The following TRIM24 variants were observed in gnomAD, a reference collection of about 807,000 sequenced individuals.
TRIM24 encodes the protein transcription intermediary factor 1-alpha.
Under a neutral mutation model 123.9 loss-of-function variants are expected in TRIM24, and 29 were observed. The observed-to-expected ratio is 0.23, with a 90% CI of 0.17 to 0.32. The LOEUF (loss-of-function observed/expected upper bound fraction) is 0.32, where lower values mean the gene tolerates loss of function less well. TRIM24 is among the 10% of genes least tolerant of loss of function. TRIM24 has a pLI of 1.00. For synonymous variants in TRIM24, 456 were observed against 461.1 expected (o/e 0.99, Z 0.14); for missense variants, 932 against 1,295.3 (o/e 0.72, Z 4.31).
intron 1 of TRIM24, among the ~76,000 whole-genome samples, chr7:138,501,293 G>A (rs1228217011): frequency 6.6e-6 from 1 of 151,906 alleles, no homozygotes; most frequent in East Asian, 2.0e-4. Flanking sequence ...GCAGTGGCAC[G>A]ATCTCGGCTC....
At chr7:138,463,230 T>C (rs1365937666) in intron 1 of TRIM24, among the ~76,000 whole-genome samples, 2 of 151,030 alleles carry the variant, frequency 1.3e-5, no homozygotes, top group East Asian at 2.0e-4. Flanking sequence ...TGGTTTTTCC[T>C]TCCTTCCTTC....
Position 138,585,169 on chromosome 7 carries a change from T to G in TRIM24, c.*218T>G. ...AAGGAGATGAATAGAAGAAAGAAAA[T>G]GGAAAGAAGGAAAAAAGGAGGATAG... On this transcript the variant is annotated 3_prime_UTR_variant, in exon 19 of 19. Transcript: ENST00000343526. 1 of 364,384 alleles carries G rather than the reference T, an allele frequency of 2.7e-6. No homozygotes were observed. Among genetic ancestry groups the G allele is most frequent in the Non-Finnish European group, 4.9e-6 (1 of 205,888 alleles). 22.6% of individuals were successfully genotyped at this position (364,384 alleles called of 1,614,324 possible). A position where few individuals can be genotyped will look rare whatever the true frequency, so the allele number is the denominator to read the frequency against.
intron 1 of TRIM24, among the ~76,000 whole-genome samples, chr7:138,496,701 A>C (rs1050102766): frequency 6.6e-6 from 1 of 151,736 alleles, no homozygotes; most frequent in East Asian, 1.9e-4. Flanking sequence ...AGATCTCACT[A>C]TGTGGCCCAG....
rs529528964 is a variant in TRIM24, at chr7:138,554,198, T to C, written c.1262-500T>C. On this transcript the variant is annotated intron_variant, in intron 8 of 18. Coordinates refer to ENST00000343526, the MANE Select transcript of TRIM24 (RefSeq NM_015905.3). This position sits in a 1 kb window ranked among gnomAD's most constrained non-coding sequence, Gnocchi z 4.5. ...CCAAACACACATTCTTCTTAGGCCATACAGGGTCACTCACAGGGTACACTT... is the reference window on the plus strand; with the variant it reads ...CCAAACACACATTCTTCTTAGGCCACACAGGGTCACTCACAGGGTACACTT... Among the ~76,000 whole-genome samples the C allele has an allele frequency of 3.2e-4, 49 of 152,314 alleles. No homozygotes were observed. The highest frequency in any genetic ancestry group is 8.3e-4 in the South Asian group (4 of 4,828).
intron 4 of TRIM24, among the ~76,000 whole-genome samples, chr7:138,520,853 G>C (rs1367310942): frequency 6.6e-6 from 1 of 152,146 alleles, no homozygotes; most frequent in Non-Finnish European, 1.5e-5. Context: ...AAAAGTAGAA[G>C]AGATTAAACA....
At chr7:138,566,088 G>T (rs1162572246) in intron 9 of TRIM24, among the ~76,000 whole-genome samples, 1 of 152,134 alleles carries the variant, frequency 6.6e-6, no homozygotes, top group Non-Finnish European at 1.5e-5. Flanking sequence ...CATATTGCTG[G>T]CCTTGGAGTG....
At chr7:138,561,247 T>C (rs1797421035) in intron 9 of TRIM24, among the ~76,000 whole-genome samples, 1 of 152,184 alleles carries the variant, frequency 6.6e-6, no homozygotes, top group African/African-American at 2.4e-5. Context: ...ATACCCAGCC[T>C]GCCGGACCCC....
chr7:138,565,310 A>G (rs1797513752), intron 9 of TRIM24, among the ~76,000 whole-genome samples: 1 of 152,060 alleles, frequency 6.6e-6, no homozygotes, highest in African/African-American at 2.4e-5. Context: ...GTGTTTGACC[A>G]CTAGTTACAC....
Position 138,538,795 on chromosome 7 carries a change from A to G in TRIM24, c.1135A>G (p.Lys379Glu). The G allele has an allele frequency of 6.2e-7, 1 of 1,613,818 alleles. No homozygotes were observed. The highest frequency in any genetic ancestry group is 8.5e-7 in the Non-Finnish European group (1 of 1,179,828). The change falls in exon 7 of 19, where the codon AAA becomes GAA. Residue 379 changes from lysine to glutamate, a missense_variant. Coordinates refer to ENST00000343526, the MANE Select transcript of TRIM24 (RefSeq NM_015905.3). The stretch of plus-strand genomic sequence containing the variant: ...CAGCAGTACAGCATTACTTTATAGC[A>G]AACGACTGGTAAGATAAAGTATGCT... ...SGSSTALLYSKRLITYRLRHL... is the reference protein window; with the variant it reads ...SGSSTALLYSERLITYRLRHL...
intron 14 of TRIM24, among the ~76,000 whole-genome samples, chr7:138,578,803 G>C (rs748489181): frequency 2.6e-4 from 39 of 152,062 alleles, no homozygotes; most frequent in Non-Finnish European, 4.6e-4. Flanking sequence ...ACATTTGAAG[G>C]AGATTGTTTT....
In TRIM24 at chr7:138,583,937, A is replaced by C; in HGVS notation, c.2881A>C (p.Lys961Gln). The C allele has an allele frequency of 6.2e-7, 1 of 1,609,760 alleles. No individual in the cohort carries two copies. The highest frequency in any genetic ancestry group is 8.5e-7 in the Non-Finnish European group (1 of 1,178,958). ...ACAAGAAGATTATTCCATGTACTCAAAACCTGAAGATTTTGTAGCTGATTT... is the reference window on the plus strand; with the variant it reads ...ACAAGAAGATTATTCCATGTACTCACAACCTGAAGATTTTGTAGCTGATTT... Reference protein sequence around the residue: ...RLQEDYSMYSKPEDFVADFRL... With the variant: ...RLQEDYSMYSQPEDFVADFRL... Residue 961 changes from lysine (K) to glutamine (Q), a missense_variant, in exon 18 of 19, where the codon AAA (lysine) becomes CAA (glutamine). By Grantham distance (53) the Lys-to-Gln change is moderately conservative (BLOSUM62 1). Transcript: ENST00000343526.
At chr7:138,568,682 C>G (rs115782102) in intron 10 of TRIM24, among the ~76,000 whole-genome samples, 2 of 151,858 alleles carry the variant, frequency 1.3e-5, no homozygotes, top group Admixed American at 1.3e-4. Context: ...CCACCATACC[C>G]GGCTGTATTA....
intron 2 of TRIM24, 120 bp from the exon 3 acceptor site, chr7:138,515,092 A>G (rs1246434028): frequency 2.0e-6 from 2 of 979,248 alleles, no homozygotes; most frequent in Admixed American, 2.9e-5. Context: ...AAATTTCCCA[A>G]CACCATTAGG....
chr7:138,554,645 AT>A lies in TRIM24; in HGVS notation c.1262-50del, dbSNP rs1797278739. 3 of 1,561,226 alleles carry A rather than the reference AT, an allele frequency of 1.9e-6. No homozygotes were observed. Among genetic ancestry groups the A allele is most frequent in the Middle Eastern group, 1.7e-4 (1 of 5,834 alleles). On this transcript the variant is annotated intron_variant, in intron 8 of 18. Transcript: ENST00000343526. The surrounding 1 kb of genome is among the most constrained non-coding windows in gnomAD (Gnocchi z 4.5). ...CAAAAATAGCTTTAGAAAATGTGATATTTCACCAACTATCTGAAAAACTGTT... is the reference window on the plus strand; with the variant it reads ...CAAAAATAGCTTTAGAAAATGTGATATTCACCAACTATCTGAAAAACTGTT...
intron 12 of TRIM24, among the ~76,000 whole-genome samples, chr7:138,574,880 T>C (rs1797724382): frequency 6.6e-6 from 1 of 152,198 alleles, no homozygotes; most frequent in African/African-American, 2.4e-5. Context: ...TCCATTTTAA[T>C]ATGCCAATTA....
At position 138,579,380 on chromosome 7, in the gene TRIM24, A is replaced by C; in HGVS notation, c.2433A>C (p.Ser811=). The part of the protein sequence containing the change: ...KSEWLDPSQK[S]PLHVGETRKE... ...AATGGTTGGATCCTTCCCAGAAGTC[A>C]CCTCTTCATGTTGGAGAGACAAGGA... Residue 811 remains serine, a synonymous_variant, in exon 15 of 19, where the codon TCA becomes TCC. Transcript: ENST00000343526. 1.9e-6 allele frequency: 3 copies of C among 1,614,122 alleles called. No individual in the cohort carries two copies. In the South Asian group the frequency reaches 3.3e-5, roughly 18 times the overall value.
chr7:138,573,083 A>G (rs1033461430), intron 11 of TRIM24, among the ~76,000 whole-genome samples: 3 of 152,134 alleles, frequency 2.0e-5, no homozygotes, highest in African/African-American at 7.2e-5. Flanking sequence ...TTTTCTTCAT[A>G]TTTTTCAAGC....
intron 1 of TRIM24, among the ~76,000 whole-genome samples, chr7:138,462,465 C>G (rs866893598): frequency 1.3e-4 from 19 of 151,252 alleles, no homozygotes; most frequent in Non-Finnish European, 1.6e-4. Context: ...CTCAGCCTCC[C>G]GAGTAGCTGG....
At chr7:138,542,440 G>T (rs186791166) in intron 7 of TRIM24, among the ~76,000 whole-genome samples, 44 of 152,278 alleles carry the variant, frequency 2.9e-4, no homozygotes, top group African/African-American at 1.0e-3. Context: ...TCTTACATGG[G>T]TGTGGTTTGT....
Sources: allele counts gnomAD v4.1 joint callset (sites outside exome capture counted in the v4.1 genomes callset), GRCh38; gene constraint gnomAD v4.1.1; non-coding constraint Gnocchi (gnomAD v3.1); transcripts MANE v1.5; gene names NCBI Gene and HGNC (gene_info 2026-07-23, HGNC 2026-07-21).